NRXN1: variants seen among roughly 807,000 people sequenced by gnomAD.
NRXN1 encodes the protein neurexin-1.
NRXN1 carries 39 observed loss-of-function variants against 150.9 expected under a neutral mutation model. The observed-to-expected ratio is 0.26, with a 90% confidence interval of 0.20 to 0.34. The LOEUF (loss-of-function observed/expected upper bound fraction) is 0.34, where lower values mean the gene tolerates loss of function less well. Among genes scored for constraint, NRXN1 ranks in the 10% least tolerant of loss-of-function variants. The probability of loss-of-function intolerance (pLI) is 1.00; values close to 1 mark genes in which losing one functional copy is unlikely to be tolerated. For synonymous variants in NRXN1, 924 were observed against 757.0 expected (o/e 1.22, Z -3.62); for missense variants, 1,815 against 1,949.9 (o/e 0.93, Z 1.30).
chr2:50,169,535 A>G (rs539239520), intron 18 of NRXN1, among the ~76,000 whole-genome samples: 4 of 152,072 alleles, frequency 2.6e-5, no homozygotes, highest in Non-Finnish European at 5.9e-5. Context: ...CAACACAGTG[A>G]AACCCCATCT....
At chr2:50,349,420 C>T (rs2078260427) in intron 17 of NRXN1, among the ~76,000 whole-genome samples, 1 of 151,960 alleles carries the variant, frequency 6.6e-6, no homozygotes, top group South Asian at 2.1e-4. Context: ...TTAAAAATAT[C>T]AAGTAGAGCT....
chr2:50,896,944 G>A (rs1682063065), intron 5 of NRXN1, among the ~76,000 whole-genome samples: 1 of 152,218 alleles, frequency 6.6e-6, no homozygotes, highest in Non-Finnish European at 1.5e-5. Flanking sequence ...AGGCACTACA[G>A]CCAGCGCCCT....
intron 18 of NRXN1, among the ~76,000 whole-genome samples, chr2:50,161,389 G>C (rs1210517468): frequency 1.3e-5 from 2 of 152,096 alleles, no homozygotes; most frequent in Non-Finnish European, 2.9e-5. Context: ...TCTCCAAAAA[G>C]CAGCCCAGTA....
intron 5 of NRXN1, among the ~76,000 whole-genome samples, chr2:50,744,348 G>T (rs1242893077): frequency 6.6e-6 from 1 of 152,018 alleles, no homozygotes; most frequent in Non-Finnish European, 1.5e-5. Context: ...CCTCACAAGT[G>T]CTCATCTCCC....
At chr2:50,449,210 AT>A (rs1384657161) in intron 17 of NRXN1, among the ~76,000 whole-genome samples, 19 of 152,228 alleles carry the variant, frequency 1.2e-4, no homozygotes, top group Non-Finnish European at 2.8e-4. Flanking sequence ...CTTGGCATGC[AT>A]TTAGCCTGCT....
intron 17 of NRXN1, among the ~76,000 whole-genome samples, chr2:50,355,921 T>C (rs1256986423): frequency 6.6e-6 from 1 of 152,136 alleles, no homozygotes; most frequent in Non-Finnish European, 1.5e-5. Context: ...TATTGGTGAG[T>C]TATTTTTATT....
At chr2:50,384,523 A>AAAAAT (rs2081194419) in intron 17 of NRXN1, among the ~76,000 whole-genome samples, 1 of 141,902 alleles carries the variant, frequency 7.0e-6, no homozygotes, top group Non-Finnish European at 1.5e-5. Context: ...AAAAAAAAAA[A>AAAAAT]AAAAAAAAAA....
chr2:50,860,496 A>T (rs1675976117), intron 5 of NRXN1, among the ~76,000 whole-genome samples: 1 of 152,120 alleles, frequency 6.6e-6, no homozygotes, highest in Admixed American at 6.5e-5. Flanking sequence ...GTGAAAGGTC[A>T]TTTCTGACCA....
chr2:50,538,485 G>C lies in NRXN1; in HGVS notation c.1911C>G (p.Asn637Lys). The C allele has an allele frequency of 6.2e-7, 1 of 1,613,820 alleles. No homozygotes were observed. Among genetic ancestry groups the C allele is most frequent in the Non-Finnish European group, 8.5e-7 (1 of 1,179,812 alleles). The stretch of plus-strand genomic sequence containing the variant: ...CCCTGATGCAGCCCACGTAGCCATA[G>C]TTGAGCAGAGCAGTCCACACCTCGG... ...FPTEVWTALLNYGYVGCIRDL... is the reference protein window; with the variant it reads ...FPTEVWTALLKYGYVGCIRDL... The change falls in exon 10 of 23, where the codon AAC becomes AAG. Residue 637 changes from asparagine to lysine, a missense_variant. Coordinates refer to ENST00000401669, the MANE Select transcript of NRXN1 (RefSeq NM_001330078.2).
intron 17 of NRXN1, among the ~76,000 whole-genome samples, chr2:50,395,324 A>C (rs1017120968): frequency 1.3e-5 from 2 of 151,596 alleles, no homozygotes; most frequent in Non-Finnish European, 2.9e-5. Flanking sequence ...TCACATCAAA[A>C]AGTGCTAAAA....
chr2:50,485,841 A>G (rs1222192769), intron 15 of NRXN1, among the ~76,000 whole-genome samples: 2 of 152,226 alleles, frequency 1.3e-5, no homozygotes, highest in South Asian at 2.1e-4. Context: ...AAGAGTCCCA[A>G]CATCAGTTGA....
At chr2:50,574,340 T>TA (rs371864628) in intron 8 of NRXN1, among the ~76,000 whole-genome samples, 2,308 of 146,620 alleles carry the variant, frequency 0.016, 26 homozygotes, top group Non-Finnish European at 0.024. Flanking sequence ...TTGGCTTTTG[T>TA]AAAAAAAAAA....
chr2:50,428,094 A>G (rs2084650253), intron 17 of NRXN1, among the ~76,000 whole-genome samples: 1 of 152,068 alleles, frequency 6.6e-6, no homozygotes, highest in African/African-American at 2.4e-5. Flanking sequence ...GGGATTGTCA[A>G]TCAAGAGAAG....
At chr2:50,334,213 G>GTATC (rs1277328963) in intron 17 of NRXN1, among the ~76,000 whole-genome samples, 1 of 106,840 alleles carries the variant, frequency 9.4e-6, no homozygotes, top group African/African-American at 4.9e-5. Context: ...ATATATATAT[G>GTATC]TATGTAGATA....
chr2:50,569,380 C>T (rs1011142904), intron 8 of NRXN1, among the ~76,000 whole-genome samples: 2 of 151,934 alleles, frequency 1.3e-5, no homozygotes, highest in South Asian at 4.1e-4. Flanking sequence ...GCATTGCATA[C>T]CTGTATCAAA....
chr2:50,952,071 A>C lies in NRXN1; in HGVS notation c.773-26116T>G, dbSNP rs1421859367. On this transcript the variant is annotated intron_variant, in intron 2 of 22. Coordinates refer to ENST00000401669, the MANE Select transcript of NRXN1 (RefSeq NM_001330078.2). The stretch of plus-strand genomic sequence containing the variant: ...AAGCTCCGCCTCCCGGGTTCATGCC[A>C]TTCTCCTGCCTCAGCCTCCCAAGTA... Among the ~76,000 whole-genome samples, 8 of 142,282 alleles carry C rather than the reference A, an allele frequency of 5.6e-5. No homozygotes were observed. The East Asian group carries it at 1.1e-3, about 19-fold the overall frequency. The allele number at this position is 142,282 out of a possible 152,430, so 93.3% of individuals were successfully genotyped here. A position where few individuals can be genotyped will look rare whatever the true frequency, so the allele number is the denominator to read the frequency against.
chr2:50,157,785 T>C (rs1307789498), intron 18 of NRXN1, among the ~76,000 whole-genome samples: 1 of 151,968 alleles, frequency 6.6e-6, no homozygotes, highest in Non-Finnish European at 1.5e-5. Context: ...TCTTTTAAAG[T>C]GGCACTCTGG....
At chr2:50,909,457 T>C (rs906877711) in intron 5 of NRXN1, among the ~76,000 whole-genome samples, 4 of 152,016 alleles carry the variant, frequency 2.6e-5, no homozygotes, top group Admixed American at 2.6e-4. Context: ...TCTAAAGCAA[T>C]TTCTGTGATT....
At chr2:50,264,311 T>G (rs373378063) in intron 17 of NRXN1, among the ~76,000 whole-genome samples, 1 of 152,006 alleles carries the variant, frequency 6.6e-6, no homozygotes, top group Non-Finnish European at 1.5e-5. Flanking sequence ...ATAGATAACA[T>G]TGTAGAACAG....
Sources: allele counts gnomAD v4.1 joint callset (sites outside exome capture counted in the v4.1 genomes callset), GRCh38; gene constraint gnomAD v4.1.1; transcripts MANE v1.5; gene names NCBI Gene and HGNC (gene_info 2026-07-23, HGNC 2026-07-21).